Variants in STARD9 observed in about 807,000 individuals in gnomAD.
STARD9 encodes the protein stAR-related lipid transfer protein 9.
In STARD9, 346 loss-of-function variants were observed where a neutral mutation model predicts 399.8. The ratio of observed to expected loss-of-function variants is 0.87; its 90% CI spans 0.79 to 0.95. STARD9 has a LOEUF of 0.95. Among genes scored for constraint, STARD9 ranks in the 40% least tolerant of loss-of-function variants. The pLI is 0.00. For missense variants in STARD9, 5,832 were observed against 5,667.5 expected, an observed-to-expected ratio of 1.03 and a Z score of -0.93; for synonymous variants, 2,203 against 2,143.5, an observed-to-expected ratio of 1.03 and a Z score of -0.77.
chr15:42,607,140 C>T (rs1230867824), intron 3 of STARD9, among the ~76,000 whole-genome samples: 1 of 145,320 alleles, frequency 6.9e-6, no homozygotes, highest in African/African-American at 2.5e-5. Flanking sequence ...GTGCACAACC[C>T]TGTAACCATT....
chr15:42,667,016 C>A (rs1035035800), intron 15 of STARD9, among the ~76,000 whole-genome samples: 1 of 151,966 alleles, frequency 6.6e-6, no homozygotes, highest in African/African-American at 2.4e-5. Context: ...GGTTTCACCA[C>A]ATTGGCCAGG....
At chr15:42,695,115 C>T (rs1449132780) in intron 24 of STARD9, 25 bp from the exon 25 acceptor site, 6 of 1,506,194 alleles carry the variant, frequency 4.0e-6, no homozygotes, top group Non-Finnish European at 4.4e-6. Flanking sequence ...CCACCATGTT[C>T]TTTCCACCCC....
intron 25 of STARD9, 39 bp downstream of exon 25, chr15:42,695,362 T>C: frequency 6.7e-7 from 1 of 1,488,850 alleles, no homozygotes; most frequent in Non-Finnish European, 9.0e-7. Context: ...AGGATAGGCC[T>C]GGACCTCAGA....
intron 20 of STARD9, among the ~76,000 whole-genome samples, chr15:42,678,178 G>T (rs2060351074): frequency 6.6e-6 from 1 of 152,196 alleles, no homozygotes; most frequent in Admixed American, 6.5e-5. Flanking sequence ...CCGTGATTGG[G>T]CAAAGGGACC....
chr15:42,656,057 T>TA (rs1270077801), intron 9 of STARD9, among the ~76,000 whole-genome samples: 2 of 151,776 alleles, frequency 1.3e-5, no homozygotes, highest in East Asian at 3.9e-4. Context: ...ATGGCCATAA[T>TA]AAAAAAATCC....
intron 12 of STARD9, 63 bp from the exon 13 acceptor site, chr15:42,663,757 C>A: frequency 8.1e-7 from 1 of 1,229,824 alleles, no homozygotes; most frequent in Non-Finnish European, 1.2e-6. Flanking sequence ...AGTAACAAGG[C>A]AAGTGATTAA....
rs1009870653 is a variant in STARD9, at chr15:42,687,597, C to T, written c.6019C>T (p.Gln2007Ter). Residue 2007 changes from glutamine to a stop codon, truncating the protein, a stop_gained, in exon 23 of 33, where the codon CAG (glutamine) becomes TAG (stop). Coordinates refer to ENST00000290607, the MANE Select transcript of STARD9 (RefSeq NM_020759.3). LOFTEE classifies it high-confidence loss of function. ...TACAAAGCCTGCATATGAAAGGTTC[C>T]AGTTAGTTGCATGCCCTCAGGAAAG... ...PGTKPAYERF[Q>*]LVACPQERNP... is the part of the protein sequence containing the mutation. 6.5e-7 allele frequency: 1 copy of T among 1,537,080 alleles called. No individual in the cohort carries two copies.
At chr15:42,632,199 T>C (rs1199689323) in intron 3 of STARD9, among the ~76,000 whole-genome samples, 1 of 152,218 alleles carries the variant, frequency 6.6e-6, no homozygotes, top group Non-Finnish European at 1.5e-5. Flanking sequence ...ATAATGACCT[T>C]TGTCTCTTTT....
At chr15:42,617,986 C>T (rs1443133619) in intron 3 of STARD9, among the ~76,000 whole-genome samples, 2 of 152,086 alleles carry the variant, frequency 1.3e-5, no homozygotes, top group South Asian at 2.1e-4. Context: ...TCTGAAACTC[C>T]TGGGCTCAAG....
At chr15:42,651,880 C>A (rs1231969514) in intron 8 of STARD9, among the ~76,000 whole-genome samples, 3 of 152,158 alleles carry the variant, frequency 2.0e-5, no homozygotes, top group Non-Finnish European at 4.4e-5. Context: ...TCTCCAGATC[C>A]TCTGAGAACA....
In STARD9 at chr15:42,694,198, C is replaced by T. The variant is rs561921337; in HGVS notation, c.12620C>T (p.Ser4207Leu). 2.5e-5 allele frequency: 38 copies of T among 1,535,826 alleles called. No homozygotes were observed. The Admixed American group carries it at 2.6e-4, about 10-fold the overall frequency. Residue 4207 changes from serine to leucine, a missense_variant, in exon 23 of 33, where the codon TCA (serine) becomes TTA (leucine). By Grantham distance (145) the Ser-to-Leu change is moderately radical (BLOSUM62 -2). Transcript: ENST00000290607. Reference sequence around the variant, plus strand: ...CTGCAAGTTGGGGCCCAGAACCTCTCACTCAGCGTGGAACTCACAGAAGCG... The same window carrying T: ...CTGCAAGTTGGGGCCCAGAACCTCTTACTCAGCGTGGAACTCACAGAAGCG... Reference protein sequence around the residue: ...IPLQVGAQNLSLSVELTEAKL... With the variant: ...IPLQVGAQNLLLSVELTEAKL...
At chr15:42,576,278 C>A (rs563408614) in intron 1 of STARD9, among the ~76,000 whole-genome samples, 2 of 152,006 alleles carry the variant, frequency 1.3e-5, no homozygotes, top group South Asian at 4.1e-4. Flanking sequence ...CTGATTTAAT[C>A]CAGGACGGAA....
chr15:42,633,756 C>T (rs2059373166), intron 3 of STARD9, among the ~76,000 whole-genome samples: 1 of 151,740 alleles, frequency 6.6e-6, no homozygotes, highest in African/African-American at 2.4e-5. Flanking sequence ...GATTCTCCTG[C>T]CTCCGCTTCC....
chr15:42,715,520 A>AT (rs61683241), intron 26 of STARD9, among the ~76,000 whole-genome samples: 40,941 of 143,734 alleles, frequency 0.28, 7,467 homozygotes, highest in African/African-American at 0.52. Context: ...GTCTTTACAA[A>AT]TTTTTTTTTT....
intron 3 of STARD9, among the ~76,000 whole-genome samples, chr15:42,610,762 G>A (rs2141809447): frequency 6.6e-6 from 1 of 152,270 alleles, no homozygotes; most frequent in African/African-American, 2.4e-5. Flanking sequence ...GGCCAGGCTG[G>A]TCTTGAACTC....
At chr15:42,674,750 T>C (rs560396806) in intron 17 of STARD9, 77 bp from the exon 18 acceptor site, 5 of 1,451,332 alleles carry the variant, frequency 3.4e-6, no homozygotes, top group Non-Finnish European at 4.5e-6. Context: ...TTTTGGATTC[T>C]GATCTCACAG....
Position 42,720,906 on chromosome 15 carries a change from T to G in STARD9, c.*1332T>G, listed in dbSNP as rs1431513309. The G allele has an allele frequency of 1.3e-5, 2 of 152,194 alleles. No individual in the cohort carries two copies. The highest frequency in any genetic ancestry group is 2.9e-5 in the Non-Finnish European group (2 of 68,032). 9.4% of individuals were successfully genotyped at this position (152,194 alleles called of 1,614,324 possible). ...TGACATGATATATTTAACACCCTAT[T>G]TATATACTCCTACCTCTTTTCATAT... On this transcript the variant is annotated 3_prime_UTR_variant, in exon 33 of 33. Transcript: ENST00000290607.
chr15:42,617,253 A>G (rs1361394164), intron 3 of STARD9, among the ~76,000 whole-genome samples: 1 of 152,210 alleles, frequency 6.6e-6, no homozygotes, highest in Non-Finnish European at 1.5e-5. Context: ...ATTATTTCAC[A>G]TATTTTGATT....
intron 10 of STARD9, among the ~76,000 whole-genome samples, chr15:42,662,312 T>G (rs2060007807): frequency 1.3e-5 from 2 of 152,224 alleles, no homozygotes; most frequent in African/African-American, 4.8e-5. Context: ...CATAATATGG[T>G]ACAGTATTCC....
Sources: gnomAD v4.1 joint callset for allele counts (sites outside exome capture counted in the v4.1 genomes callset) on GRCh38, gnomAD v4.1.1 for gene constraint, MANE v1.5 for transcripts, NCBI Gene and HGNC (gene_info 2026-07-23, HGNC 2026-07-21) for gene names.